Variants in TMEFF2 observed in about 807,000 individuals in gnomAD.
TMEFF2 encodes the protein transmembrane protein with EGF like and two follistatin like domains 2.
In TMEFF2, 28 loss-of-function variants were observed where a neutral mutation model predicts 53.8. That is an observed-to-expected ratio of 0.52 (90% CI 0.39 to 0.71). The LOEUF (loss-of-function observed/expected upper bound fraction) is 0.71. Ranked by LOEUF, TMEFF2 falls within the 30% of genes least tolerant of loss-of-function variation. TMEFF2 has a pLI of 0.00. For missense variants in TMEFF2, 353 were observed against 455.2 expected (o/e 0.78, Z 2.04); for synonymous variants, 162 against 166.3 (o/e 0.97, Z 0.20).
chr2:192,068,174 G>A (rs1688208425), intron 4 of TMEFF2, among the ~76,000 whole-genome samples: 1 of 151,850 alleles, frequency 6.6e-6, no homozygotes, highest in African/African-American at 2.4e-5. Flanking sequence ...TTAAATAGGA[G>A]GATGTGTGAC....
At chr2:192,009,515 ACT>A (rs775901488) in intron 5 of TMEFF2, among the ~76,000 whole-genome samples, 1 of 152,072 alleles carries the variant, frequency 6.6e-6, no homozygotes, top group South Asian at 2.1e-4. Context: ...GCTGGTATTA[ACT>A]CTTCATAATT....
At position 192,194,271 on chromosome 2, in the gene TMEFF2, G is replaced by C. The variant is rs1286593969; in HGVS notation, c.172+82C>G. Reference sequence around the variant, plus strand: ...GTAGGAGGTGAGGGGCTGAGGAGGCGCGCTAGGGTAGGCTGGTCTGTGCTG... The same window carrying C: ...GTAGGAGGTGAGGGGCTGAGGAGGCCCGCTAGGGTAGGCTGGTCTGTGCTG... On this transcript the variant is annotated intron_variant, in intron 1 of 9. Coordinates refer to ENST00000272771, the MANE Select transcript of TMEFF2 (RefSeq NM_016192.4). The surrounding 1 kb of genome is among the most constrained non-coding windows in gnomAD (Gnocchi z 4.2). The C allele has an allele frequency of 2.0e-6, 3 of 1,533,746 alleles. No homozygotes were observed. The highest frequency in any genetic ancestry group is 1.2e-5 in the South Asian group (1 of 82,450).
chr2:192,042,061 C>T (rs1277348048), intron 5 of TMEFF2, among the ~76,000 whole-genome samples: 2 of 151,898 alleles, frequency 1.3e-5, no homozygotes, highest in African/African-American at 4.8e-5. Flanking sequence ...ATTAACTGGG[C>T]GTAGTGGCAG....
rs117922198 is a variant in TMEFF2 at position 192,041,619 on chromosome 2, C to A, written c.536+16060G>T. Among the ~76,000 whole-genome samples, 521 of 152,236 alleles carry A rather than the reference C, an allele frequency of 3.4e-3. 5 individuals carry two copies. The East Asian group carries it at 0.042, about 12-fold the overall frequency. On this transcript the variant is annotated intron_variant, in intron 5 of 9. Coordinates refer to ENST00000272771, the MANE Select transcript of TMEFF2 (RefSeq NM_016192.4). ...TAGCAATTCCACTCCTATGTATATA[C>A]CCGAGACCTGAAAACATACATTCCC... is the stretch of plus-strand genomic sequence containing the variant.
chr2:192,046,491 T>A (rs2105891377), intron 5 of TMEFF2, among the ~76,000 whole-genome samples: 1 of 152,300 alleles, frequency 6.6e-6, no homozygotes, highest in South Asian at 2.1e-4. Flanking sequence ...CAGCATTTAA[T>A]ATGTGGTGCT....
At chr2:192,055,787 A>T (rs1427573738) in intron 5 of TMEFF2, among the ~76,000 whole-genome samples, 3 of 150,732 alleles carry the variant, frequency 2.0e-5, no homozygotes, top group Non-Finnish European at 4.4e-5. Flanking sequence ...AAAAAAAAAA[A>T]AAAAAAAAAA....
At chr2:192,065,701 T>G (rs1688154614) in intron 4 of TMEFF2, among the ~76,000 whole-genome samples, 2 of 151,776 alleles carry the variant, frequency 1.3e-5, no homozygotes, top group Non-Finnish European at 3.0e-5. Flanking sequence ...ATATATCTGT[T>G]GTAGCTAAAA....
At chr2:192,026,384 G>A (rs1448714053) in intron 5 of TMEFF2, among the ~76,000 whole-genome samples, 1 of 152,134 alleles carries the variant, frequency 6.6e-6, no homozygotes, top group Non-Finnish European at 1.5e-5. Flanking sequence ...TGTAATAGAC[G>A]ACTGTGTGTC....
intron 5 of TMEFF2, 35 bp downstream of exon 5, chr2:192,057,644 T>C: frequency 6.5e-7 from 1 of 1,544,914 alleles, no homozygotes; most frequent in Non-Finnish European, 9.0e-7. Context: ...ATCACTGTCA[T>C]TATTTTGTCT....
Position 192,184,588 on chromosome 2 carries a change from T to C in TMEFF2, c.283-105A>G. The C allele has an allele frequency of 4.3e-6, 6 of 1,400,664 alleles. No homozygotes were observed. In the South Asian group the frequency reaches 6.9e-5, roughly 16 times the overall value. The allele number at this position is 1,400,664 out of a possible 1,614,324, so 86.8% of individuals were successfully genotyped here. A position where few individuals can be genotyped will look rare whatever the true frequency, so the allele number is the denominator to read the frequency against. On this transcript the variant is annotated intron_variant, in intron 2 of 9. Transcript: ENST00000272771. ...TACAAAAGAAACCACTTGTCTTCAT[T>C]TTCAATGATTCTAATTGTGTCCAAT...
At chr2:192,128,127 G>A (rs1452195918) in intron 4 of TMEFF2, among the ~76,000 whole-genome samples, 1 of 137,632 alleles carries the variant, frequency 7.3e-6, no homozygotes, top group Non-Finnish European at 1.5e-5. Context: ...TTAAACTTAG[G>A]TCCAAATAAA....
chr2:191,989,548 A>G (rs1465054287), intron 7 of TMEFF2, among the ~76,000 whole-genome samples: 1 of 152,072 alleles, frequency 6.6e-6, no homozygotes, highest in African/African-American at 2.4e-5. Context: ...AGGCAATTCA[A>G]CTCTAGGAAG....
chr2:191,998,906 C>T (rs1483866816), intron 6 of TMEFF2, among the ~76,000 whole-genome samples, 154 bp downstream of exon 6: 4 of 151,852 alleles, frequency 2.6e-5, no homozygotes, highest in Admixed American at 2.6e-4. Flanking sequence ...ATCCTATAAT[C>T]GACACAAATG....
At chr2:191,990,808 C>G (rs968524597) in intron 7 of TMEFF2, among the ~76,000 whole-genome samples, 1 of 151,164 alleles carries the variant, frequency 6.6e-6, no homozygotes, top group African/African-American at 2.4e-5. Context: ...GACATGTGAA[C>G]ATTAACATTT....
intron 4 of TMEFF2, among the ~76,000 whole-genome samples, chr2:192,143,436 A>T (rs889200753): frequency 2.0e-5 from 3 of 152,174 alleles, no homozygotes; most frequent in Non-Finnish European, 4.4e-5. Flanking sequence ...AACAAAAGTC[A>T]GCCTTCTATA....
At position 192,194,304 on chromosome 2, in the gene TMEFF2, G is replaced by C; in HGVS notation, c.172+49C>G. ...GTAGGCTGGTCTGTGCTGGATACGC[G>C]TGTTCTTCTGCGGAGTTAAAGGGTC... On this transcript the variant is annotated intron_variant, in intron 1 of 9. Transcript: ENST00000272771. This position sits in a 1 kb window ranked among gnomAD's most constrained non-coding sequence, Gnocchi z 4.2. 4 of 1,604,704 alleles carry C rather than the reference G, an allele frequency of 2.5e-6. No homozygotes were observed. Among genetic ancestry groups the C allele is most frequent in the Non-Finnish European group, 3.4e-6 (4 of 1,173,770 alleles).
At chr2:191,983,110 T>C (rs1685893197) in intron 7 of TMEFF2, among the ~76,000 whole-genome samples, 1 of 152,162 alleles carries the variant, frequency 6.6e-6, no homozygotes, top group Admixed American at 6.6e-5. Context: ...TCTAATGCTT[T>C]AAAAACACAA....
chr2:191,965,758 G>A (rs763545098), intron 7 of TMEFF2, among the ~76,000 whole-genome samples: 13 of 151,722 alleles, frequency 8.6e-5, no homozygotes, highest in African/African-American at 2.4e-4. Context: ...CTTCCTTTTC[G>A]TTTACCAAAG....
chr2:192,182,796 G>A (rs769615968), intron 3 of TMEFF2, among the ~76,000 whole-genome samples: 2 of 151,852 alleles, frequency 1.3e-5, no homozygotes, highest in Non-Finnish European at 2.9e-5. Flanking sequence ...ATCCTTCCTG[G>A]TTCCTGGGAT....
Sources: gnomAD v4.1 joint callset for allele counts (sites outside exome capture counted in the v4.1 genomes callset) on GRCh38, gnomAD v4.1.1 for gene constraint, Gnocchi (gnomAD v3.1) non-coding constraint, MANE v1.5 for transcripts, NCBI Gene and HGNC (gene_info 2026-07-23, HGNC 2026-07-21) for gene names.